Variants in HSPA14 observed in about 807,000 individuals in gnomAD.
HSPA14 encodes the protein heat shock 70 kDa protein 14.
Under a neutral mutation model 65.5 loss-of-function variants are expected in HSPA14, and 37 were observed. The observed-to-expected ratio is 0.56, with a 90% CI of 0.43 to 0.74. HSPA14 has a LOEUF of 0.74. Among genes scored for constraint, HSPA14 ranks in the 30% least tolerant of loss-of-function variants. The pLI is 0.00. For missense variants in HSPA14, 564 were observed against 607.6 expected, an observed-to-expected ratio of 0.93 and a Z score of 0.75; for synonymous variants, 203 against 214.2, an observed-to-expected ratio of 0.95 and a Z score of 0.46.
At chr10:14,850,811 A>G (rs1419573837) in intron 6 of HSPA14, 1 of 154,526 alleles carries the variant, frequency 6.5e-6, no homozygotes, top group African/African-American at 2.4e-5. Context: ...AATTAACAAG[A>G]TAATTACGTT....
intron 10 of HSPA14, among the ~76,000 whole-genome samples, chr10:14,865,509 A>C (rs1832798721): frequency 6.6e-6 from 1 of 152,206 alleles, no homozygotes; most frequent in Non-Finnish European, 1.5e-5. Flanking sequence ...ATAAGGTGTA[A>C]GGAAGAGATC....
At chr10:14,847,894 T>A (rs1834074239) in intron 3 of HSPA14, among the ~76,000 whole-genome samples, 1 of 152,174 alleles carries the variant, frequency 6.6e-6, no homozygotes, top group Admixed American at 6.5e-5. Context: ...CCTGCTAAAG[T>A]ATGAATAATA....
At chr10:14,851,183 G>T in intron 6 of HSPA14, 36 bp from the exon 7 acceptor site, 1 of 1,118,602 alleles carries the variant, frequency 8.9e-7, no homozygotes, top group South Asian at 1.3e-5. Context: ...TTGAACATGT[G>T]ATAAATTAAA....
At position 14,854,700 on chromosome 10, in the gene HSPA14, A is replaced by G. The variant is rs990965092; in HGVS notation, c.890+420A>G. Among the ~76,000 whole-genome samples the G allele has an allele frequency of 2.0e-5, 3 of 152,134 alleles. No individual in the cohort carries two copies. The East Asian group carries it at 5.8e-4, about 29-fold the overall frequency. On this transcript the variant is annotated intron_variant, in intron 9 of 13. Coordinates refer to ENST00000378372, the MANE Select transcript of HSPA14 (RefSeq NM_016299.4). ...AGACTGCAGTATATATTTTTTTAGG[A>G]TTCTAGTGACTGTATTTGGTTAAAT...
At chr10:14,853,875 A>G (rs1175572919) in intron 8 of HSPA14, among the ~76,000 whole-genome samples, 1 of 152,024 alleles carries the variant, frequency 6.6e-6, no homozygotes, top group Non-Finnish European at 1.5e-5. Flanking sequence ...ATGCACCACC[A>G]CACCCAGCTA....
intron 10 of HSPA14, among the ~76,000 whole-genome samples, chr10:14,862,152 C>A (rs1235022132): frequency 6.7e-6 from 1 of 148,342 alleles, no homozygotes; most frequent in African/African-American, 2.5e-5. Flanking sequence ...TCAGCCTCCC[C>A]AGTAGCTGGG....
intron 6 of HSPA14, 99 bp from the exon 7 acceptor site, chr10:14,851,120 T>C (rs1834105630): frequency 1.4e-6 from 1 of 706,396 alleles, no homozygotes; most frequent in Non-Finnish European, 2.5e-6. Flanking sequence ...ACTTATGAAA[T>C]TTTAGTAGCT....
rs1396049993 is a variant in HSPA14 at position 14,867,871 on chromosome 10, G to A, written c.1342G>A (p.Gly448Arg). 1 of 1,613,922 alleles carries A rather than the reference G, an allele frequency of 6.2e-7. No homozygotes were observed. Among genetic ancestry groups the A allele is most frequent in the Non-Finnish European group, 8.5e-7 (1 of 1,179,980 alleles). The stretch of plus-strand genomic sequence containing the variant: ...GTGCCTTGAACTCTATGAGTCTGAT[G>A]GGAAGAACTCTGCCAAAGAGGAAAC... ...SVCLELYESD[G>R]KNSAKEETKF... Residue 448 changes from glycine (G) to arginine (R), a missense_variant, in exon 12 of 14, where the codon GGG becomes AGG. Coordinates refer to ENST00000378372, the MANE Select transcript of HSPA14 (RefSeq NM_016299.4).
rs764180064 is a variant in HSPA14 at position 14,839,889 on chromosome 10, G to A, written c.58-16G>A. On this transcript the variant is annotated splice_polypyrimidine_tract_variant and intron_variant, in intron 1 of 13. Coordinates refer to ENST00000378372, the MANE Select transcript of HSPA14 (RefSeq NM_016299.4). ...TACGTCTAATGAGACTATGTATTTC[G>A]TGTTTTTTTCTCTAGGATGGCCGGG... 1.2e-6 allele frequency: 2 copies of A among 1,600,058 alleles called. No homozygotes were observed. Among genetic ancestry groups the A allele is most frequent in the Non-Finnish European group, 1.7e-6 (2 of 1,169,042 alleles).
chr10:14,862,243 T>G (rs191001517), intron 10 of HSPA14, among the ~76,000 whole-genome samples: 1 of 151,430 alleles, frequency 6.6e-6, no homozygotes, highest in Non-Finnish European at 1.5e-5. Flanking sequence ...TTAGCCAGCA[T>G]GGTCTCAATC....
rs1201458043 is a variant in HSPA14 at position 14,842,073 on chromosome 10, C to T, written c.221+1916C>T. 1.6e-5 allele frequency: 21 copies of T among 1,308,170 alleles called. No individual in the cohort carries two copies. The highest frequency in any genetic ancestry group is 2.0e-5 in the Admixed American group (1 of 50,110). The allele number at this position is 1,308,170 out of a possible 1,614,324, so 81.0% of individuals were successfully genotyped here. A position where few individuals can be genotyped will look rare whatever the true frequency, so the allele number is the denominator to read the frequency against. On this transcript the variant is annotated intron_variant, in intron 3 of 13. Coordinates refer to ENST00000378372, the MANE Select transcript of HSPA14 (RefSeq NM_016299.4). This position sits in a 1 kb window ranked among gnomAD's most constrained non-coding sequence, Gnocchi z 5.2. Reference sequence around the variant, plus strand: ...CCTACTCACAGGTAGCACCACTTAACTTGCTGCCAAAATTATCCTTACACC... The same window carrying T: ...CCTACTCACAGGTAGCACCACTTAATTTGCTGCCAAAATTATCCTTACACC...
chr10:14,852,670 T>G, intron 8 of HSPA14, 139 bp downstream of exon 8: 1 of 718,662 alleles, frequency 1.4e-6, no homozygotes, highest in Non-Finnish European at 2.2e-6. Context: ...CTGGATATTT[T>G]CATATCTAGA....
chr10:14,849,045 C>A, intron 5 of HSPA14, 150 bp downstream of exon 5: 1 of 539,634 alleles, frequency 1.9e-6, no homozygotes, highest in Non-Finnish European at 3.4e-6. Context: ...CTGGTTGGGG[C>A]ACTAACTGGG....
intron 10 of HSPA14, among the ~76,000 whole-genome samples, chr10:14,862,780 G>C (rs1251538920): frequency 6.6e-6 from 1 of 151,222 alleles, no homozygotes; most frequent in Non-Finnish European, 1.5e-5. Context: ...CCCAGGCTCA[G>C]GTGATCCTCC....
chr10:14,869,903 AC>A (rs2131653671), intron 12 of HSPA14, among the ~76,000 whole-genome samples: 1 of 152,302 alleles, frequency 6.6e-6, no homozygotes, highest in African/African-American at 2.4e-5. Context: ...AGCGTTAGCC[AC>A]GTAATACTGA....
intron 11 of HSPA14, among the ~76,000 whole-genome samples, chr10:14,867,527 G>A (rs945928967): frequency 6.6e-6 from 1 of 151,994 alleles, no homozygotes; most frequent in African/African-American, 2.4e-5. Flanking sequence ...TAAAAGTTAG[G>A]TATAATATTA....
At chr10:14,839,253 G>A (rs1285118799) in intron 1 of HSPA14, among the ~76,000 whole-genome samples, 1 of 152,176 alleles carries the variant, frequency 6.6e-6, no homozygotes, top group East Asian at 1.9e-4. Context: ...AAAGCCAAAG[G>A]GAATAATACT....
Position 14,849,807 on chromosome 10 carries a change from C to T in HSPA14, c.463C>T (p.Leu155Phe). The stretch of plus-strand genomic sequence containing the variant: ...TTTTGGAGAAAAGCAAAAAAATGCT[C>T]TTGGGTAAGTATATGGGGTTTATCT... ...FDFGEKQKNA[L>F]GEAARAAGFN... Residue 155 changes from leucine to phenylalanine, a missense_variant, in exon 6 of 14, where the codon CTT becomes TTT. Leu to Phe is a conservative substitution (Grantham distance 22). Coordinates refer to ENST00000378372, the MANE Select transcript of HSPA14 (RefSeq NM_016299.4). The T allele has an allele frequency of 6.2e-7, 1 of 1,602,308 alleles. No individual in the cohort carries two copies. The highest frequency in any genetic ancestry group is 8.5e-7 in the Non-Finnish European group (1 of 1,169,860).
intron 3 of HSPA14, chr10:14,845,247 T>G (rs1251377488): frequency 2.0e-6 from 2 of 985,058 alleles, no homozygotes; most frequent in South Asian, 4.7e-5. Flanking sequence ...TTAGTACTTT[T>G]AGGAATACAA....
Sources: allele counts gnomAD v4.1 joint callset (sites outside exome capture counted in the v4.1 genomes callset), GRCh38; gene constraint gnomAD v4.1.1; non-coding constraint Gnocchi (gnomAD v3.1); transcripts MANE v1.5; gene names NCBI Gene and HGNC (gene_info 2026-07-23, HGNC 2026-07-21).